The following RASD2 variants were observed in gnomAD, a reference collection of about 807,000 sequenced individuals.
The protein encoded by RASD2 is GTP-binding protein Rhes.
In RASD2, 7 loss-of-function variants were observed where a neutral mutation model predicts 15.8. The observed-to-expected ratio is 0.44, with a 90% CI of 0.25 to 0.83. The LOEUF is 0.83. Among genes scored for constraint, RASD2 ranks in the 40% least tolerant of loss-of-function variants. The probability of loss-of-function intolerance (pLI) is 0.20; values close to 1 mark genes in which losing one functional copy is unlikely to be tolerated. For synonymous variants in RASD2, 155 were observed against 153.6 expected, an observed-to-expected ratio of 1.01 and a Z score of -0.07; for missense variants, 274 against 382.8, an observed-to-expected ratio of 0.72 and a Z score of 2.37.
upstream of RASD2, among the ~76,000 whole-genome samples, chr22:35,540,294 C>G (rs1362554905): frequency 6.6e-6 from 1 of 151,612 alleles, no homozygotes; most frequent in Non-Finnish European, 1.5e-5. Context: ...CTCCGAGGCC[C>G]GGGCCGCCTT....
chr22:35,544,053 C>T (rs1934428808), intron 1 of RASD2, among the ~76,000 whole-genome samples: 1 of 152,174 alleles, frequency 6.6e-6, no homozygotes, highest in Admixed American at 6.5e-5. Flanking sequence ...TGCCTCCTCT[C>T]TCTGACTCCC....
intron 1 of RASD2, among the ~76,000 whole-genome samples, chr22:35,541,768 A>G (rs990050527): frequency 4.6e-5 from 7 of 152,184 alleles, no homozygotes; most frequent in African/African-American, 7.2e-5. Context: ...AGCTTCTACT[A>G]TGTGCTAGTT....
upstream of RASD2, among the ~76,000 whole-genome samples, chr22:35,540,176 G>C (rs1229691963): frequency 6.6e-6 from 1 of 152,042 alleles, no homozygotes; most frequent in Non-Finnish European, 1.5e-5. Flanking sequence ...CGACCTGGCC[G>C]GGCGCAAGCC....
the RASD2 span, among the ~76,000 whole-genome samples, chr22:35,534,509 G>C: frequency 3.3e-5 from 5 of 152,194 alleles, no homozygotes; most frequent in African/African-American, 4.8e-5. Context: ...TGCAAAGAGT[G>C]GGGGCTCCAT....
At position 35,551,626 on chromosome 22, in the gene RASD2, AGCT is replaced by A. The variant is rs1329582666; in HGVS notation, c.398_400del (p.Leu133del). On this transcript the variant is annotated inframe_deletion, in exon 3 of 3. Coordinates refer to ENST00000216127, the MANE Select transcript of RASD2 (RefSeq NM_014310.4). The surrounding 1 kb of genome is among the most constrained non-coding windows in gnomAD (Gnocchi z 4.9). ...AAGAACAAGACCAAGGAGGCGGCGGAGCTGCCCATGGTCATCTGTGGCAACAAG... is the reference window on the plus strand; with the variant it reads ...AAGAACAAGACCAAGGAGGCGGCGGAGCCCATGGTCATCTGTGGCAACAAG... The A allele has an allele frequency of 6.2e-7, 1 of 1,614,190 alleles. No homozygotes were observed. The highest frequency in any genetic ancestry group is 1.7e-5 in the Admixed American group (1 of 60,028).
rs1426000788 is a variant in RASD2, at chr22:35,552,540, ACCCCCAGCACACACACAAGTTGG to A, written c.*517_*539del. The A allele has an allele frequency of 6.6e-6, 1 of 151,020 alleles. No individual in the cohort carries two copies. The highest frequency in any genetic ancestry group is 2.5e-5 in the African/African-American group (1 of 40,312). 9.4% of individuals were successfully genotyped at this position (151,020 alleles called of 1,614,324 possible). ...TTCAGCTGCCTCTGCACCCCCTCCC[ACCCCCAGCACACACACAAGTTGG>A]CCCCCAGCTGCGCCTGACATTGAGC... On this transcript the variant is annotated 3_prime_UTR_variant, in exon 3 of 3. Transcript: ENST00000216127.
upstream of RASD2, among the ~76,000 whole-genome samples, chr22:35,535,997 G>A (rs552289635): frequency 6.6e-6 from 1 of 152,266 alleles, no homozygotes; most frequent in African/African-American, 2.4e-5. Flanking sequence ...GTTGATCTTT[G>A]GCCTGGTGGG....
At chr22:35,540,679 A>C (rs958081345), upstream of RASD2, among the ~76,000 whole-genome samples, 3 of 152,016 alleles carry the variant, frequency 2.0e-5, no homozygotes, top group Admixed American at 2.0e-4. Flanking sequence ...TGCCTGCGAG[A>C]GGGGGAAGGA....
chr22:35,553,532 C>T lies in RASD2; in HGVS notation c.*1500C>T, dbSNP rs1934735392. The T allele has an allele frequency of 6.6e-6, 1 of 152,262 alleles. No homozygotes were observed. Among genetic ancestry groups the T allele is most frequent in the Admixed American group, 6.5e-5 (1 of 15,270 alleles). 9.4% of individuals were successfully genotyped at this position (152,262 alleles called of 1,614,324 possible). ...TTCAGAGAGGGTAAGTAACTTCCTC[C>T]AGGTCACACAGCAAGTCTGTGGGTG... On this transcript the variant is annotated 3_prime_UTR_variant, in exon 3 of 3. Transcript: ENST00000216127.
chr22:35,535,899 G>A (rs1473215945), upstream of RASD2, among the ~76,000 whole-genome samples: 1 of 141,722 alleles, frequency 7.1e-6, no homozygotes, highest in African/African-American at 2.5e-5. Flanking sequence ...TTGGATCATC[G>A]GGCTCAGTGG....
At position 35,551,633 on chromosome 22, in the gene RASD2, C is replaced by G. The variant is rs1397770824; in HGVS notation, c.402C>G (p.Pro134=). ...AGACCAAGGAGGCGGCGGAGCTGCC[C>G]ATGGTCATCTGTGGCAACAAGAACG... The part of the protein sequence containing the change: ...KNKTKEAAEL[P]MVICGNKNDH... Residue 134 remains proline, a synonymous_variant, in exon 3 of 3, where the codon CCC becomes CCG. Transcript: ENST00000216127. The surrounding 1 kb of genome is among the most constrained non-coding windows in gnomAD (Gnocchi z 4.9). 8 of 1,614,190 alleles carry G rather than the reference C, an allele frequency of 5.0e-6. No homozygotes were observed. The highest frequency in any genetic ancestry group is 1.6e-4 in the Middle Eastern group (1 of 6,062).
chr22:35,545,016 TG>T (rs978747309), intron 1 of RASD2, among the ~76,000 whole-genome samples: 2 of 152,218 alleles, frequency 1.3e-5, no homozygotes, highest in Non-Finnish European at 2.9e-5. Flanking sequence ...GCTCCAGGCC[TG>T]GGGTCCGCCG....
In RASD2 at chr22:35,553,850, GC is replaced by G. The variant is rs1271273468; in HGVS notation, c.*1820del. The G allele has an allele frequency of 6.5e-6, 1 of 152,996 alleles. No homozygotes were observed. Among genetic ancestry groups the G allele is most frequent in the Non-Finnish European group, 1.5e-5 (1 of 68,272 alleles). 9.5% of individuals were successfully genotyped at this position (152,996 alleles called of 1,614,324 possible). On this transcript the variant is annotated 3_prime_UTR_variant, in exon 3 of 3. Transcript: ENST00000216127. ...TGCTCAAAGCAGCAGCTCCAACCCT[GC>G]CTCTGTCCCCTTCCCCACCCACTGC...
chr22:35,546,986 A>G lies in RASD2; in HGVS notation c.177A>G (p.Val59=), dbSNP rs773277769. Reference sequence around the variant, plus strand: ...CCATCGAGGACTTCCACCGTAAGGTATACAACATCCGCGGCGACATGTACC... The same window carrying G: ...CCATCGAGGACTTCCACCGTAAGGTGTACAACATCCGCGGCGACATGTACC... The part of the protein sequence containing the change: ...TPTIEDFHRK[V]YNIRGDMYQL... Residue 59 remains valine, a synonymous_variant, in exon 2 of 3, where the codon GTA becomes GTG. Coordinates refer to ENST00000216127, the MANE Select transcript of RASD2 (RefSeq NM_014310.4). The G allele has an allele frequency of 5.6e-6, 9 of 1,614,166 alleles. No individual in the cohort carries two copies. The highest frequency in any genetic ancestry group is 6.8e-6 in the Non-Finnish European group (8 of 1,180,036).
upstream of RASD2, among the ~76,000 whole-genome samples, chr22:35,537,267 G>A (rs192824661): frequency 3.8e-4 from 58 of 152,238 alleles, no homozygotes; most frequent in Middle Eastern, 3.4e-3. Context: ...GAGCTTGTAC[G>A]TTTCTTCTGC....
At chr22:35,547,781 A>AT (rs1395067940) in intron 2 of RASD2, among the ~76,000 whole-genome samples, 1 of 152,004 alleles carries the variant, frequency 6.6e-6, no homozygotes, top group Non-Finnish European at 1.5e-5. Context: ...TGCCCGGCTA[A>AT]TTTTTTGTAT....
intron 1 of RASD2, among the ~76,000 whole-genome samples, chr22:35,545,207 G>A (rs1184656280): frequency 2.6e-5 from 4 of 152,204 alleles, no homozygotes; most frequent in African/African-American, 9.7e-5. Context: ...GGCAGGGTGA[G>A]CAGATCCAGA....
chr22:35,533,618 G>GATGGGA, the RASD2 span, among the ~76,000 whole-genome samples: 1 of 151,878 alleles, frequency 6.6e-6, no homozygotes, highest in Non-Finnish European at 1.5e-5. Context: ...TGATGATGGT[G>GATGGGA]ATGATGGGAA....
At position 35,553,889 on chromosome 22, in the gene RASD2, A is replaced by G. The variant is rs115072568; in HGVS notation, c.*1857A>G. 0.013 allele frequency: 1,988 copies of G among 152,940 alleles called. 50 individuals carry two copies. The highest frequency in any genetic ancestry group is 0.045 in the African/African-American group (1,882 of 41,526). 9.5% of individuals were successfully genotyped at this position (152,940 alleles called of 1,614,324 possible). On this transcript the variant is annotated 3_prime_UTR_variant, in exon 3 of 3. Transcript: ENST00000216127. ...CCCCACCCACTGCCTGAGCCTTCTG[A>G]GCAGACCAGGTACCTTGGCTGCACC...
Sources: gnomAD v4.1 joint callset for allele counts (sites outside exome capture counted in the v4.1 genomes callset) on GRCh38, gnomAD v4.1.1 for gene constraint, Gnocchi (gnomAD v3.1) non-coding constraint, MANE v1.5 for transcripts, NCBI Gene and HGNC (gene_info 2026-07-23, HGNC 2026-07-21) for gene names.